Variants in SH3RF3 observed in about 807,000 individuals in gnomAD.
SH3RF3 encodes SH3 domain containing ring finger 3, also known as E3 ubiquitin-protein ligase SH3RF3.
A neutral mutation model predicts 66.3 loss-of-function variants in SH3RF3; 29 were observed. The observed-to-expected ratio is 0.44, with a 90% confidence interval of 0.33 to 0.60. The LOEUF (loss-of-function observed/expected upper bound fraction) is 0.60, where lower values mean the gene tolerates loss of function less well. Ranked by LOEUF, SH3RF3 falls within the 20% of genes least tolerant of loss-of-function variation. The probability of loss-of-function intolerance (pLI) is 0.04; values close to 1 mark genes in which losing one functional copy is unlikely to be tolerated. For synonymous variants in SH3RF3, 583 were observed against 532.0 expected (o/e 1.10, Z -1.32); for missense variants, 1,194 against 1,190.9 (o/e 1.00, Z -0.04).
At position 109,192,270 on chromosome 2, in the gene SH3RF3, T is replaced by A. The variant is rs553231520; in HGVS notation, c.573+62157T>A. Among the ~76,000 whole-genome samples, 4 of 152,326 alleles carry A rather than the reference T, an allele frequency of 2.6e-5. No individual in the cohort carries two copies. In the South Asian group the frequency reaches 8.3e-4, roughly 32 times the overall value. Reference sequence around the variant, plus strand: ...GTCCCTGGCACTGCAGCTCATGGGATGTTTGGAGAAATCGTGGCTTATTGG... The same window carrying A: ...GTCCCTGGCACTGCAGCTCATGGGAAGTTTGGAGAAATCGTGGCTTATTGG... On this transcript the variant is annotated intron_variant, in intron 1 of 9. Coordinates refer to ENST00000309415, the MANE Select transcript of SH3RF3 (RefSeq NM_001099289.3).
chr2:109,161,335 C>T (rs373423929), intron 1 of SH3RF3, among the ~76,000 whole-genome samples: 2 of 151,912 alleles, frequency 1.3e-5, no homozygotes, highest in African/African-American at 2.4e-5. Flanking sequence ...GTGGTATGCA[C>T]GGGTTTCTCT....
chr2:109,333,829 T>C (rs1211284824), intron 1 of SH3RF3, among the ~76,000 whole-genome samples: 1 of 152,148 alleles, frequency 6.6e-6, no homozygotes, highest in African/African-American at 2.4e-5. Context: ...ATGGAGATAA[T>C]AATATCTCCA....
chr2:109,284,471 G>A (rs1288288817), intron 1 of SH3RF3, among the ~76,000 whole-genome samples: 10 of 152,102 alleles, frequency 6.6e-5, no homozygotes, highest in Admixed American at 6.5e-4. Context: ...ATGCAGAAGG[G>A]GACACACCCC....
chr2:109,471,392 G>C (rs1678504191), intron 8 of SH3RF3, among the ~76,000 whole-genome samples: 1 of 152,074 alleles, frequency 6.6e-6, no homozygotes, highest in Non-Finnish European at 1.5e-5. Flanking sequence ...AGAAAGTGAA[G>C]GGGGAAGAAT....
chr2:109,191,797 C>T (rs987919214), intron 1 of SH3RF3, among the ~76,000 whole-genome samples: 2 of 152,154 alleles, frequency 1.3e-5, no homozygotes, highest in Admixed American at 6.5e-5. Flanking sequence ...GGGCAAAGTC[C>T]CCAGGTTGGG....
chr2:109,229,703 A>G (rs909531023), intron 1 of SH3RF3, among the ~76,000 whole-genome samples: 7 of 152,210 alleles, frequency 4.6e-5, no homozygotes, highest in African/African-American at 1.7e-4. Flanking sequence ...GACTACATCT[A>G]GGTACCTCGT....
intron 3 of SH3RF3, among the ~76,000 whole-genome samples, chr2:109,380,220 T>TTCTTAAGTCTTTTTGAGG (rs1233380151): frequency 9.2e-5 from 14 of 151,794 alleles, no homozygotes; most frequent in African/African-American, 3.4e-4. Context: ...GATTTCTCTC[T>TTCTTAAGTCTTTTTGAGG]TCTTAAGTCT....
At chr2:109,471,105 A>T (rs1678491096) in intron 8 of SH3RF3, among the ~76,000 whole-genome samples, 1 of 150,730 alleles carries the variant, frequency 6.6e-6, no homozygotes, top group South Asian at 2.1e-4. Flanking sequence ...CTCTAATCCC[A>T]GCTACTTGGG....
chr2:109,168,467 G>A (rs1358891294), intron 1 of SH3RF3, among the ~76,000 whole-genome samples: 1 of 152,284 alleles, frequency 6.6e-6, no homozygotes, highest in East Asian at 1.9e-4. Context: ...GAGGGAGAGG[G>A]CAAGATGGGC....
chr2:109,251,861 G>A (rs910402885), intron 1 of SH3RF3, among the ~76,000 whole-genome samples: 2 of 152,112 alleles, frequency 1.3e-5, no homozygotes, highest in Non-Finnish European at 2.9e-5. Context: ...TACATAATGA[G>A]TTTTAAGAGG....
intron 1 of SH3RF3, among the ~76,000 whole-genome samples, chr2:109,137,783 T>C (rs1422028805): frequency 1.3e-5 from 2 of 152,222 alleles, no homozygotes; most frequent in Non-Finnish European, 2.9e-5. Context: ...GTTCAAAGAC[T>C]AATCGGTTAA....
At chr2:109,250,864 A>C (rs1394706493) in intron 1 of SH3RF3, among the ~76,000 whole-genome samples, 1 of 152,160 alleles carries the variant, frequency 6.6e-6, no homozygotes, top group Non-Finnish European at 1.5e-5. Context: ...TAGAACAAAA[A>C]ATCAAATCAC....
intron 1 of SH3RF3, among the ~76,000 whole-genome samples, chr2:109,275,505 A>G (rs1325301413): frequency 1.3e-5 from 2 of 152,122 alleles, no homozygotes; most frequent in African/African-American, 4.8e-5. Context: ...TGGGTTGTAG[A>G]TTGTTCCCGA....
intron 1 of SH3RF3, among the ~76,000 whole-genome samples, chr2:109,263,750 A>C (rs2105297424): frequency 6.6e-6 from 1 of 152,306 alleles, no homozygotes; most frequent in East Asian, 1.9e-4. Flanking sequence ...GCAGATCATG[A>C]GGTCAGGAGA....
intron 1 of SH3RF3, among the ~76,000 whole-genome samples, chr2:109,189,154 A>T (rs1375059457): frequency 1.3e-5 from 2 of 151,786 alleles, no homozygotes; most frequent in Admixed American, 1.3e-4. Context: ...GACCTCGCTG[A>T]CAGTGTTGTG....
intron 1 of SH3RF3, among the ~76,000 whole-genome samples, chr2:109,142,763 C>T (rs1433591571): frequency 1.3e-5 from 2 of 152,128 alleles, no homozygotes; most frequent in Non-Finnish European, 1.5e-5. Context: ...GCCAAAGCAT[C>T]GAGGATTGTT....
intron 8 of SH3RF3, among the ~76,000 whole-genome samples, chr2:109,461,445 G>GTGGTGAT (rs1559096157): frequency 9.9e-5 from 13 of 131,454 alleles, no homozygotes; most frequent in African/African-American, 3.4e-4. Flanking sequence ...AAAGACCTGC[G>GTGGTGAT]CGGTGATCCA....
chr2:109,276,163 G>A (rs1680754208), intron 1 of SH3RF3, among the ~76,000 whole-genome samples: 1 of 152,180 alleles, frequency 6.6e-6, no homozygotes, highest in African/African-American at 2.4e-5. Flanking sequence ...TTAGGAGCAG[G>A]CATTCAACTT....
chr2:109,363,343 A>G lies in SH3RF3; in HGVS notation c.850-8243A>G, dbSNP rs186074484. On this transcript the variant is annotated intron_variant, in intron 2 of 9. Transcript: ENST00000309415. ...TTTGCAAGCAGTATGAGTACTTGTA[A>G]TAACAAAATAATACTTATTTCTCCC... Among the ~76,000 whole-genome samples, 7 of 152,276 alleles carry G rather than the reference A, an allele frequency of 4.6e-5. No individual in the cohort carries two copies. In the East Asian group the frequency reaches 1.3e-3, roughly 29 times the overall value.
Sources: gnomAD v4.1 joint callset for allele counts (sites outside exome capture counted in the v4.1 genomes callset) on GRCh38, gnomAD v4.1.1 for gene constraint, MANE v1.5 for transcripts, NCBI Gene and HGNC (gene_info 2026-07-23, HGNC 2026-07-21) for gene names.